Variants in TMEM170B observed in about 807,000 individuals in gnomAD.
TMEM170B encodes transmembrane protein 170B.
A neutral mutation model predicts 13.0 loss-of-function variants in TMEM170B; 6 were observed. The ratio of observed to expected loss-of-function variants is 0.46; its 90% CI spans 0.25 to 0.91. The LOEUF (loss-of-function observed/expected upper bound fraction) is 0.91. TMEM170B is among the 40% of genes least tolerant of loss of function. TMEM170B has a pLI of 0.17. For synonymous variants in TMEM170B, 61 were observed against 64.9 expected (o/e 0.94, Z 0.29); for missense variants, 138 against 165.2 (o/e 0.84, Z 0.90).
At chr6:11,550,789 T>C (rs1040983738) in intron 1 of TMEM170B, among the ~76,000 whole-genome samples, 25 of 152,302 alleles carry the variant, frequency 1.6e-4, no homozygotes, top group African/African-American at 5.8e-4. Context: ...AAGCCATGAC[T>C]TGAAAAATTA....
intron 1 of TMEM170B, among the ~76,000 whole-genome samples, chr6:11,562,536 G>T (rs1441874961): frequency 6.6e-6 from 1 of 151,710 alleles, no homozygotes; most frequent in Non-Finnish European, 1.5e-5. Flanking sequence ...ATTTGGCAGG[G>T]TAAAGCTGAT....
chr6:11,547,247 G>T (rs781466542), intron 1 of TMEM170B, among the ~76,000 whole-genome samples: 2 of 152,102 alleles, frequency 1.3e-5, no homozygotes, highest in African/African-American at 2.4e-5. Flanking sequence ...TGAATATTTA[G>T]TATATATATT....
chr6:11,564,550 A>G (rs1368591362), intron 1 of TMEM170B, among the ~76,000 whole-genome samples: 1 of 152,240 alleles, frequency 6.6e-6, no homozygotes, highest in African/African-American at 2.4e-5. Context: ...AATATTTTAG[A>G]GTCAGCTCTT....
At chr6:11,564,174 G>T (rs1421569873) in intron 1 of TMEM170B, among the ~76,000 whole-genome samples, 1 of 152,152 alleles carries the variant, frequency 6.6e-6, no homozygotes, top group Admixed American at 6.5e-5. Context: ...CTTGGCTATT[G>T]TGAATAATAC....
intron 1 of TMEM170B, among the ~76,000 whole-genome samples, chr6:11,557,526 A>AT (rs1462529146): frequency 6.6e-6 from 1 of 152,236 alleles, no homozygotes; most frequent in East Asian, 1.9e-4. Context: ...AAATAAAATA[A>AT]TTTAAAAAAA....
rs1759960162 is a variant in TMEM170B, at chr6:11,581,729, G to A, written c.*6168G>A. 1 of 152,138 alleles carries A rather than the reference G, an allele frequency of 6.6e-6. No homozygotes were observed. The allele number at this position is 152,138 out of a possible 1,614,324, so 9.4% of individuals were successfully genotyped here. ...ACTTTTTTTAGAGCCTTGTTTAAAG[G>A]AACGTTAACTCGAGAGTACTACTGA... On this transcript the variant is annotated 3_prime_UTR_variant, in exon 3 of 3. Transcript: ENST00000379426.
intron 2 of TMEM170B, among the ~76,000 whole-genome samples, chr6:11,568,610 A>C (rs181188557): frequency 6.6e-6 from 1 of 152,192 alleles, no homozygotes; most frequent in Non-Finnish European, 1.5e-5. Flanking sequence ...TTAAATCCTT[A>C]AAAATGTAAG....
At chr6:11,565,919 C>T (rs968779657) in intron 2 of TMEM170B, 83 bp downstream of exon 2, 1 of 1,263,264 alleles carries the variant, frequency 7.9e-7, no homozygotes, top group African/African-American at 1.5e-5. Context: ...ATACATGTAA[C>T]ATTAGTGAGA....
intron 1 of TMEM170B, among the ~76,000 whole-genome samples, chr6:11,559,845 A>G (rs1759638713): frequency 6.6e-6 from 1 of 151,914 alleles, no homozygotes; most frequent in African/African-American, 2.4e-5. Context: ...ATATATATAT[A>G]AAATATATAA....
chr6:11,540,357 C>A (rs477973), intron 1 of TMEM170B, among the ~76,000 whole-genome samples: 1 of 152,184 alleles, frequency 6.6e-6, no homozygotes, highest in African/African-American at 2.4e-5. Flanking sequence ...CCGAGTTTAT[C>A]TAATAGTCTA....
Position 11,576,391 on chromosome 6 carries a change from G to GT in TMEM170B, c.*831dup, listed in dbSNP as rs1759874891. On this transcript the variant is annotated 3_prime_UTR_variant, in exon 3 of 3. Transcript: ENST00000379426. The stretch of plus-strand genomic sequence containing the variant: ...TTTGAAGATTTTCTTAAAAATTTTT[G>GT]TAAGAAAAAAGTCTGAAATGCATGT... 1 of 152,104 alleles carries GT rather than the reference G, an allele frequency of 6.6e-6. No homozygotes were observed. The highest frequency in any genetic ancestry group is 1.5e-5 in the Non-Finnish European group (1 of 67,980). 9.4% of individuals were successfully genotyped at this position (152,104 alleles called of 1,614,324 possible).
At chr6:11,538,899 G>C (rs918468368) in intron 1 of TMEM170B, among the ~76,000 whole-genome samples, 10 of 152,156 alleles carry the variant, frequency 6.6e-5, no homozygotes, top group African/African-American at 2.4e-4. Flanking sequence ...ATTATAGTGG[G>C]TCAGGGGCTG....
chr6:11,539,244 A>G (rs1332029231), intron 1 of TMEM170B, among the ~76,000 whole-genome samples: 1 of 152,230 alleles, frequency 6.6e-6, no homozygotes, highest in Non-Finnish European at 1.5e-5. Flanking sequence ...AGAATTTACG[A>G]GAAAGAGATT....
intron 1 of TMEM170B, among the ~76,000 whole-genome samples, chr6:11,555,778 G>T (rs1330910135): frequency 6.6e-6 from 1 of 152,154 alleles, no homozygotes; most frequent in Non-Finnish European, 1.5e-5. Context: ...TGGTTCTGTA[G>T]ATTGCTTTAT....
chr6:11,562,682 A>G (rs1759683349), intron 1 of TMEM170B, among the ~76,000 whole-genome samples: 1 of 152,178 alleles, frequency 6.6e-6, no homozygotes, highest in Admixed American at 6.5e-5. Context: ...GGAACATCTC[A>G]GAAATCCACA....
rs140628762 is a variant in TMEM170B, at chr6:11,581,413, T to C, written c.*5852T>C. ...TAATCTTACTGAAAAGTAAATACTT[T>C]AGGCAAGTCAGGAGAGCATGAACCT... On this transcript the variant is annotated 3_prime_UTR_variant, in exon 3 of 3. Transcript: ENST00000379426. 16 of 152,314 alleles carry C rather than the reference T, an allele frequency of 1.1e-4. No individual in the cohort carries two copies. The highest frequency in any genetic ancestry group is 1.9e-4 in the Non-Finnish European group (13 of 68,022). 9.4% of individuals were successfully genotyped at this position (152,314 alleles called of 1,614,324 possible). A position where few individuals can be genotyped will look rare whatever the true frequency, so the allele number is the denominator to read the frequency against.
In TMEM170B at chr6:11,575,502, G is replaced by A. The variant is rs199632690; in HGVS notation, c.340G>A (p.Val114Ile). ...CCCTTTGGAAGCGCTGGTATGGGGC[G>A]TTGGACAGACTGTACTGACATTAAT... ...MAPLEALVWGVGQTVLTLIIS... is the reference protein window; with the variant it reads ...MAPLEALVWGIGQTVLTLIIS... Residue 114 changes from valine to isoleucine, a missense_variant, in exon 3 of 3, where the codon GTT becomes ATT. Coordinates refer to ENST00000379426, the MANE Select transcript of TMEM170B (RefSeq NM_001100829.3). This position sits in a 1 kb window ranked among gnomAD's most constrained non-coding sequence, Gnocchi z 4.1. The A allele has an allele frequency of 1.4e-4, 227 of 1,613,298 alleles. No individual in the cohort carries two copies. Among genetic ancestry groups the A allele is most frequent in the Non-Finnish European group, 1.7e-4 (205 of 1,179,576 alleles).
chr6:11,563,479 G>A (rs575590031), intron 1 of TMEM170B, among the ~76,000 whole-genome samples: 7 of 152,160 alleles, frequency 4.6e-5, no homozygotes, highest in African/African-American at 1.4e-4. Flanking sequence ...ATCCAGTCCC[G>A]CAGGTTAAAG....
intron 1 of TMEM170B, among the ~76,000 whole-genome samples, chr6:11,562,830 C>G (rs1759686500): frequency 6.6e-6 from 1 of 152,076 alleles, no homozygotes; most frequent in Middle Eastern, 3.2e-3. Context: ...ACATGTATAT[C>G]CACCACTATA....
Sources: allele counts gnomAD v4.1 joint callset (sites outside exome capture counted in the v4.1 genomes callset), GRCh38; gene constraint gnomAD v4.1.1; non-coding constraint Gnocchi (gnomAD v3.1); transcripts MANE v1.5; gene names NCBI Gene and HGNC (gene_info 2026-07-23, HGNC 2026-07-21).